The following MAST4 variants were observed in gnomAD, a reference collection of about 807,000 sequenced individuals.
MAST4 encodes the protein microtubule associated serine/threonine kinase family member 4.
Under a neutral mutation model 162.7 loss-of-function variants are expected in MAST4, and 89 were observed. The ratio of observed to expected loss-of-function variants is 0.55; its 90% CI spans 0.46 to 0.65. MAST4 has a LOEUF of 0.65. MAST4 is among the 30% of genes least tolerant of loss of function. The probability of loss-of-function intolerance (pLI) is 0.00; values close to 1 mark genes in which losing one functional copy is unlikely to be tolerated. For synonymous variants in MAST4, 1,479 were observed against 1,361.1 expected (o/e 1.09, Z -1.91); for missense variants, 3,153 against 3,374.0 (o/e 0.93, Z 1.62).
At chr5:66,987,741 G>A (rs1749673619) in intron 4 of MAST4, among the ~76,000 whole-genome samples, 1 of 152,100 alleles carries the variant, frequency 6.6e-6, no homozygotes, top group Non-Finnish European at 1.5e-5. Flanking sequence ...TTACTGCAGA[G>A]TGACAGTGCT....
rs6149054 is a variant in MAST4 at position 67,069,287 on chromosome 5, G to GATATATATATATATATATATATAT, written c.763+14797_763+14820dup. Among the ~76,000 whole-genome samples, 331 of 107,532 alleles carry GATATATATATATATATATATATAT rather than the reference G, an allele frequency of 3.1e-3. 16 individuals are homozygous for GATATATATATATATATATATATAT. Among genetic ancestry groups the GATATATATATATATATATATATAT allele is most frequent in the African/African-American group, 0.011 (271 of 24,386 alleles). 70.5% of individuals were successfully genotyped at this position (107,532 alleles called of 152,430 possible). A position where few individuals can be genotyped will look rare whatever the true frequency, so the allele number is the denominator to read the frequency against. ...CCTTTTCTGTTAAAGGAGGAGATTG[G>GATATATATATATATATATATATAT]ATATATATATATATATATATATATA... On this transcript the variant is annotated intron_variant, in intron 5 of 28. Transcript: ENST00000403625.
At chr5:66,696,655 G>T (rs552619567) in intron 1 of MAST4, among the ~76,000 whole-genome samples, 3 of 152,212 alleles carry the variant, frequency 2.0e-5, no homozygotes, top group South Asian at 2.1e-4. Flanking sequence ...GCTAGCAATT[G>T]GTTCTCAAAG....
rs1407302011 is a variant in MAST4, at chr5:67,166,278, A to G, written c.7099A>G (p.Arg2367Gly). 23 of 1,557,590 alleles carry G rather than the reference A, an allele frequency of 1.5e-5. No individual in the cohort carries two copies. Among genetic ancestry groups the G allele is most frequent in the Non-Finnish European group, 2.0e-5 (23 of 1,150,302 alleles). Residue 2367 changes from arginine to glycine, a missense_variant, in exon 29 of 29, where the codon AGA (arginine) becomes GGA (glycine). Coordinates refer to ENST00000403625, the MANE Select transcript of MAST4 (RefSeq NM_001164664.2). Reference protein sequence around the residue: ...SPSQPAANTDRRAEGKKCTEA... With the variant: ...SPSQPAANTDGRAEGKKCTEA... ...GAGTCAGCCGGCCGCCAACACCGAC[A>G]GAAGGGCGGAAGGGAAGAAATGCAC...
chr5:66,684,500 T>G (rs10061312), intron 1 of MAST4, among the ~76,000 whole-genome samples: 4,551 of 152,286 alleles, frequency 0.03, 236 homozygotes, highest in African/African-American at 0.1. Context: ...GTGCCTAAAT[T>G]GCTCTGGAAG....
At chr5:66,834,707 C>T (rs766768945) in intron 3 of MAST4, among the ~76,000 whole-genome samples, 6 of 152,322 alleles carry the variant, frequency 3.9e-5, no homozygotes, top group Non-Finnish European at 7.3e-5. Flanking sequence ...TCATGAAAAG[C>T]CATGGCCCCC....
chr5:66,643,294 A>C (rs904055334), intron 1 of MAST4, among the ~76,000 whole-genome samples: 2 of 152,124 alleles, frequency 1.3e-5, no homozygotes, highest in African/African-American at 4.8e-5. Context: ...ATCTGTGCGG[A>C]GCTTCCCTTA....
chr5:67,160,658 A>G, intron 27 of MAST4, 66 bp downstream of exon 27: 1 of 1,520,982 alleles, frequency 6.6e-7, no homozygotes. Flanking sequence ...TTACCCCTTA[A>G]TTAAATGCTT....
chr5:66,740,134 C>T (rs1580336486), intron 1 of MAST4, among the ~76,000 whole-genome samples: 1 of 152,118 alleles, frequency 6.6e-6, no homozygotes, highest in African/African-American at 2.4e-5. Context: ...CAGTTGTGCC[C>T]TGCATAAAGT....
intron 3 of MAST4, among the ~76,000 whole-genome samples, chr5:66,895,451 G>C (rs1762624140): frequency 6.6e-6 from 1 of 151,968 alleles, no homozygotes; most frequent in African/African-American, 2.4e-5. Context: ...TTGTCTAGTT[G>C]CCTGTTTGGA....
rs542456973 is a variant in MAST4, at chr5:66,930,522, A to G, written c.674+30540A>G. Among the ~76,000 whole-genome samples the G allele has an allele frequency of 3.4e-4, 52 of 152,288 alleles. No homozygotes were observed. In the South Asian group the frequency reaches 0.011, roughly 31 times the overall value. The stretch of plus-strand genomic sequence containing the variant: ...TTTGGTCCAGTGGTGTGTGTATATG[A>G]TTGTGAATGAGAAGAACAAAGGTAA... On this transcript the variant is annotated intron_variant, in intron 4 of 28. Transcript: ENST00000403625.
At chr5:67,118,616 C>A in intron 12 of MAST4, 66 bp from the exon 13 acceptor site, 2 of 950,140 alleles carry the variant, frequency 2.1e-6, no homozygotes, top group South Asian at 1.5e-5. Context: ...TCTTTTGTTT[C>A]AGCTTAGTAT....
At chr5:67,016,472 G>A (rs149613125) in intron 4 of MAST4, among the ~76,000 whole-genome samples, 1 of 152,282 alleles carries the variant, frequency 6.6e-6, no homozygotes, top group African/African-American at 2.4e-5. Flanking sequence ...AGAATATAGA[G>A]CTCTGATAAT....
intron 1 of MAST4, among the ~76,000 whole-genome samples, chr5:66,682,161 A>G (rs1320730991): frequency 6.6e-6 from 1 of 151,714 alleles, no homozygotes; most frequent in Non-Finnish European, 1.5e-5. Flanking sequence ...CATAGAAGTT[A>G]TAAGGCTGCC....
intron 4 of MAST4, chr5:67,004,954 A>T (rs371836906): frequency 2.7e-6 from 2 of 741,922 alleles, no homozygotes; most frequent in African/African-American, 3.4e-5. Context: ...CATTTTAGTC[A>T]TATGGCCTTG....
intron 3 of MAST4, among the ~76,000 whole-genome samples, chr5:66,829,427 C>G (rs1342497050): frequency 1.3e-5 from 2 of 152,082 alleles, no homozygotes; most frequent in Non-Finnish European, 2.9e-5. Flanking sequence ...AACTCACTGC[C>G]TTGCTTTTTT....
chr5:67,157,767 CTGTT>C (rs1488221815), intron 26 of MAST4, among the ~76,000 whole-genome samples: 4 of 152,186 alleles, frequency 2.6e-5, no homozygotes, highest in Non-Finnish European at 5.9e-5. Context: ...ACCTTGTTGT[CTGTT>C]GTCTCAGAAT....
chr5:66,912,244 C>T (rs1421843187), intron 4 of MAST4, among the ~76,000 whole-genome samples: 1 of 152,172 alleles, frequency 6.6e-6, no homozygotes, highest in African/African-American at 2.4e-5. Flanking sequence ...CTCCTTTTCT[C>T]AGCTCCTTTT....
intron 15 of MAST4, 93 bp downstream of exon 15, chr5:67,130,511 G>T (rs993109758): frequency 7.9e-7 from 1 of 1,265,092 alleles, no homozygotes; most frequent in East Asian, 2.3e-5. Flanking sequence ...CATAATGGCT[G>T]TATCCACCTA....
intron 1 of MAST4, among the ~76,000 whole-genome samples, chr5:66,628,272 A>C (rs1744569524): frequency 6.6e-6 from 1 of 150,944 alleles, no homozygotes; most frequent in African/African-American, 2.4e-5. Flanking sequence ...AGGTTCAAGC[A>C]TTCCTCCCGC....
Sources: allele counts gnomAD v4.1 joint callset (sites outside exome capture counted in the v4.1 genomes callset), GRCh38; gene constraint gnomAD v4.1.1; transcripts MANE v1.5; gene names NCBI Gene and HGNC (gene_info 2026-07-23, HGNC 2026-07-21).